PI15: variants seen among roughly 807,000 people sequenced by gnomAD.
PI15 encodes the protein peptidase inhibitor 15.
A neutral mutation model predicts 31.0 loss-of-function variants in PI15; 18 were observed. The observed-to-expected ratio is 0.58, with a 90% CI of 0.40 to 0.86. The LOEUF (loss-of-function observed/expected upper bound fraction) is 0.86, where lower values mean the gene tolerates loss of function less well. Among genes scored for constraint, PI15 ranks in the 40% least tolerant of loss-of-function variants. The probability of loss-of-function intolerance (pLI) is 0.00; values close to 1 mark genes in which losing one functional copy is unlikely to be tolerated. For missense variants in PI15, 282 were observed against 328.1 expected, an observed-to-expected ratio of 0.86 and a Z score of 1.09; for synonymous variants, 118 against 119.1, an observed-to-expected ratio of 0.99 and a Z score of 0.06.
At chr8:74,832,259 G>A (rs1414093112) in intron 2 of PI15, among the ~76,000 whole-genome samples, 1 of 152,114 alleles carries the variant, frequency 6.6e-6, no homozygotes, top group Non-Finnish European at 1.5e-5. Flanking sequence ...CTGAGTTAGA[G>A]AACACAAAAT....
intron 2 of PI15, among the ~76,000 whole-genome samples, chr8:74,841,724 G>C (rs1297567113): frequency 6.6e-6 from 1 of 152,116 alleles, no homozygotes; most frequent in Non-Finnish European, 1.5e-5. Flanking sequence ...GTATTGTGGT[G>C]AACTGCAATC....
chr8:74,827,130 A>G (rs1487476719), intron 2 of PI15, among the ~76,000 whole-genome samples: 1 of 152,080 alleles, frequency 6.6e-6, no homozygotes, highest in Non-Finnish European at 1.5e-5. Context: ...GAGAACCAAG[A>G]CTGCTGAGCC....
intron 2 of PI15, among the ~76,000 whole-genome samples, chr8:74,828,149 A>T (rs1220186404): frequency 6.6e-6 from 1 of 152,108 alleles, no homozygotes; most frequent in East Asian, 1.9e-4. Flanking sequence ...TAAATAAGTT[A>T]CACAGGATGT....
chr8:74,828,989 T>C (rs1347920439), intron 2 of PI15, among the ~76,000 whole-genome samples: 1 of 152,112 alleles, frequency 6.6e-6, no homozygotes, highest in Non-Finnish European at 1.5e-5. Context: ...TCTACTCTTA[T>C]CATGTCTTGC....
intron 1 of PI15, chr8:74,824,998 T>G (rs1586949702): frequency 4.0e-6 from 2 of 502,960 alleles, no homozygotes; most frequent in East Asian, 6.2e-5. Flanking sequence ...TTTTCTCTGC[T>G]ATACAAAGTT....
chr8:74,849,045 T>C lies in PI15; in HGVS notation c.642-73T>C, dbSNP rs1811066640. The C allele has an allele frequency of 6.0e-6, 8 of 1,330,602 alleles. No homozygotes were observed. The East Asian group carries it at 1.2e-4, about 19-fold the overall frequency. 82.4% of individuals were successfully genotyped at this position (1,330,602 alleles called of 1,614,324 possible). On this transcript the variant is annotated intron_variant, in intron 5 of 5. Coordinates refer to ENST00000260113, the MANE Select transcript of PI15 (RefSeq NM_015886.5). Reference sequence around the variant, plus strand: ...TCACATGTCAATACTTGTGAACATATGGCTTAAGGACAATCTACTTTTAAA... The same window carrying C: ...TCACATGTCAATACTTGTGAACATACGGCTTAAGGACAATCTACTTTTAAA...
At chr8:74,832,917 C>A (rs565336385) in intron 2 of PI15, among the ~76,000 whole-genome samples, 3 of 152,076 alleles carry the variant, frequency 2.0e-5, no homozygotes, top group African/African-American at 7.2e-5. Flanking sequence ...CTCAAGGACA[C>A]AATAATGTTT....
chr8:74,831,314 G>C (rs1563565290), intron 2 of PI15, among the ~76,000 whole-genome samples: 1 of 152,156 alleles, frequency 6.6e-6, no homozygotes, highest in Admixed American at 6.6e-5. Context: ...GGTGGAAAAT[G>C]ATATTTGACC....
At chr8:74,824,959 ATTT>A (rs1295978526) in intron 1 of PI15, 4 of 353,990 alleles carry the variant, frequency 1.1e-5, no homozygotes, top group Middle Eastern at 7.9e-4. Flanking sequence ...GTTCACATTC[ATTT>A]TAGGGTTAGT....
At position 74,853,209 on chromosome 8, in the gene PI15, C is replaced by G. The variant is rs1287349909; in HGVS notation, c.*3956C>G. ...TGCTATAAGTTTTGAAGTTTCTTAGCAATTAAAGTTTTTTTATTCAGTGTG... is the reference window on the plus strand; with the variant it reads ...TGCTATAAGTTTTGAAGTTTCTTAGGAATTAAAGTTTTTTTATTCAGTGTG... On this transcript the variant is annotated 3_prime_UTR_variant, in exon 6 of 6. Transcript: ENST00000260113. 1 of 152,478 alleles carries G rather than the reference C, an allele frequency of 6.6e-6. No individual in the cohort carries two copies. The highest frequency in any genetic ancestry group is 2.4e-5 in the African/African-American group (1 of 41,436). 9.4% of individuals were successfully genotyped at this position (152,478 alleles called of 1,614,324 possible).
In PI15 at chr8:74,845,401, A is replaced by G. The variant is rs761838075; in HGVS notation, c.545A>G (p.Asn182Ser). The G allele has an allele frequency of 4.8e-5, 78 of 1,613,948 alleles. No homozygotes were observed. Among genetic ancestry groups the G allele is most frequent in the Non-Finnish European group, 6.4e-5 (75 of 1,179,844 alleles). ...TCACAGATGGTTTGGGCCACTTCCA[A>G]TCGGATAGGATGCGCAATTCATACT... ...HYTQMVWATS[N>S]RIGCAIHTCQ... Residue 182 changes from asparagine (N) to serine (S), a missense_variant, in exon 5 of 6, where the codon AAT becomes AGT. Physicochemically the swap from Asn to Ser is conservative, Grantham distance 46. Transcript: ENST00000260113.
chr8:74,837,298 T>C (rs945855221), intron 2 of PI15, among the ~76,000 whole-genome samples: 1 of 152,118 alleles, frequency 6.6e-6, no homozygotes, highest in African/African-American at 2.4e-5. Context: ...TATTTTAATA[T>C]CATCTAATTA....
At chr8:74,844,246 T>C in intron 3 of PI15, 147 bp downstream of exon 3, 1 of 658,898 alleles carries the variant, frequency 1.5e-6, no homozygotes, top group Non-Finnish European at 2.7e-6. Flanking sequence ...GGCCTATGAA[T>C]ATTTTAGATG....
At chr8:74,841,850 TGA>T (rs1237616342) in intron 2 of PI15, among the ~76,000 whole-genome samples, 6 of 152,204 alleles carry the variant, frequency 3.9e-5, no homozygotes, top group Admixed American at 1.3e-4. Flanking sequence ...CAGAATACTA[TGA>T]TTTTTATATG....
In PI15 at chr8:74,843,163, C is replaced by T. The variant is rs79230777; in HGVS notation, c.274-818C>T. On this transcript the variant is annotated intron_variant, in intron 2 of 5. Coordinates refer to ENST00000260113, the MANE Select transcript of PI15 (RefSeq NM_015886.5). ...AATATATTAATATCATGGCTTTTGA[C>T]GGCTGTGAAAATTATCTCTAGGAAA... Among the ~76,000 whole-genome samples, 16 of 152,136 alleles carry T rather than the reference C, an allele frequency of 1.1e-4. No homozygotes were observed. The East Asian group carries it at 1.9e-3, about 18-fold the overall frequency.
intron 2 of PI15, among the ~76,000 whole-genome samples, chr8:74,838,244 A>G (rs1182638177): frequency 6.6e-6 from 1 of 152,100 alleles, no homozygotes; most frequent in African/African-American, 2.4e-5. Flanking sequence ...ATCATTGAAA[A>G]TGATAAGAAA....
At chr8:74,837,498 G>A (rs1441781028) in intron 2 of PI15, among the ~76,000 whole-genome samples, 4 of 152,018 alleles carry the variant, frequency 2.6e-5, no homozygotes, top group Non-Finnish European at 4.4e-5. Context: ...GGATAAATCC[G>A]TTAATTTTAA....
At position 74,851,369 on chromosome 8, in the gene PI15, A is replaced by T. The variant is rs1160819436; in HGVS notation, c.*2116A>T. 1 of 152,096 alleles carries T rather than the reference A, an allele frequency of 6.6e-6. No individual in the cohort carries two copies. The highest frequency in any genetic ancestry group is 1.5e-5 in the Non-Finnish European group (1 of 67,966). The allele number at this position is 152,096 out of a possible 1,614,324, so 9.4% of individuals were successfully genotyped here. On this transcript the variant is annotated 3_prime_UTR_variant, in exon 6 of 6. Coordinates refer to ENST00000260113, the MANE Select transcript of PI15 (RefSeq NM_015886.5). ...ACAGCAATAAGTACTATTAAACAGAAGATGGCTACACTAAGTTCCAATTTT... is the reference window on the plus strand; with the variant it reads ...ACAGCAATAAGTACTATTAAACAGATGATGGCTACACTAAGTTCCAATTTT...
At chr8:74,841,143 T>G (rs1408898603) in intron 2 of PI15, among the ~76,000 whole-genome samples, 4 of 152,158 alleles carry the variant, frequency 2.6e-5, no homozygotes, top group African/African-American at 9.7e-5. Context: ...ATATTTAACA[T>G]ACACAATGTG....
Sources: allele counts gnomAD v4.1 joint callset (sites outside exome capture counted in the v4.1 genomes callset), GRCh38; gene constraint gnomAD v4.1.1; transcripts MANE v1.5; gene names NCBI Gene and HGNC (gene_info 2026-07-23, HGNC 2026-07-21).